FBXO28: variants seen among roughly 807,000 people sequenced by gnomAD.
FBXO28 encodes the protein F-box protein 28.
Under a neutral mutation model 38.1 loss-of-function variants are expected in FBXO28, and 8 were observed. The ratio of observed to expected loss-of-function variants is 0.21; its 90% CI spans 0.12 to 0.38. FBXO28 has a LOEUF of 0.38. FBXO28 is among the 10% of genes least tolerant of loss of function. The pLI is 1.00. For missense variants in FBXO28, 345 were observed against 460.6 expected (o/e 0.75, Z 2.30); for synonymous variants, 168 against 173.8 (o/e 0.97, Z 0.26).
intron 2 of FBXO28, among the ~76,000 whole-genome samples, chr1:224,131,733 A>G (rs1572012196): frequency 6.6e-6 from 1 of 152,220 alleles, no homozygotes. Flanking sequence ...AGAAGAAAAC[A>G]TAGTAGTAAG....
At chr1:224,136,782 C>G (rs900544332) in intron 3 of FBXO28, among the ~76,000 whole-genome samples, 2 of 151,114 alleles carry the variant, frequency 1.3e-5, no homozygotes, top group Non-Finnish European at 2.9e-5. Context: ...GATGGGGTCT[C>G]GTTCTGTCGC....
Position 224,158,061 on chromosome 1 carries a change from G to A in FBXO28, c.*315G>A, listed in dbSNP as rs956799561. ...TTTCTGCATATATGCACATACATAC[G>A]TAAGGATCTTAAACCCAGTCTTGAC... On this transcript the variant is annotated 3_prime_UTR_variant, in exon 5 of 5. Transcript: ENST00000366862. The A allele has an allele frequency of 1.9e-5, 20 of 1,054,866 alleles. No individual in the cohort carries two copies. The East Asian group carries it at 3.0e-4, about 16-fold the overall frequency. 65.3% of individuals were successfully genotyped at this position (1,054,866 alleles called of 1,614,324 possible).
chr1:224,150,078 C>T (rs947852988), intron 3 of FBXO28, among the ~76,000 whole-genome samples: 3 of 59,846 alleles, frequency 5.0e-5, no homozygotes, highest in East Asian at 1.3e-3. Context: ...AATCCCAGCA[C>T]TTTGGGAGGC....
chr1:224,117,455 A>G (rs957385188), intron 1 of FBXO28, among the ~76,000 whole-genome samples: 20 of 150,608 alleles, frequency 1.3e-4, no homozygotes, highest in African/African-American at 5.0e-4. Context: ...ATTTTATTTT[A>G]TTTTTTGGCC....
At chr1:224,156,463 G>A (rs1201299073) in intron 4 of FBXO28, among the ~76,000 whole-genome samples, 2 of 152,114 alleles carry the variant, frequency 1.3e-5, no homozygotes, top group African/African-American at 2.4e-5. Flanking sequence ...AGGACCAGAA[G>A]TGTTTCAGAT....
chr1:224,115,875 C>CT (rs1439050600), intron 1 of FBXO28, among the ~76,000 whole-genome samples: 1 of 152,032 alleles, frequency 6.6e-6, no homozygotes, highest in Non-Finnish European at 1.5e-5. Context: ...TTGAGAAAAA[C>CT]TGAGTTTTAT....
At chr1:224,155,600 T>C (rs1206864918) in intron 4 of FBXO28, among the ~76,000 whole-genome samples, 1 of 152,268 alleles carries the variant, frequency 6.6e-6, no homozygotes, top group Non-Finnish European at 1.5e-5. Flanking sequence ...AATTATTTAA[T>C]GTCCCTAACT....
At chr1:224,154,932 C>G (rs1432933152) in intron 4 of FBXO28, among the ~76,000 whole-genome samples, 2 of 150,208 alleles carry the variant, frequency 1.3e-5, no homozygotes, top group Non-Finnish European at 3.0e-5. Flanking sequence ...GAGCCAAGAT[C>G]ACGCCACTGC....
intron 4 of FBXO28, among the ~76,000 whole-genome samples, chr1:224,156,656 T>A (rs1558198773): frequency 6.6e-6 from 1 of 152,166 alleles, no homozygotes; most frequent in Non-Finnish European, 1.5e-5. Flanking sequence ...CCTGTAGGTG[T>A]GTACTTCTAA....
intron 3 of FBXO28, among the ~76,000 whole-genome samples, chr1:224,140,046 A>G (rs1430860199): frequency 6.6e-6 from 1 of 152,166 alleles, no homozygotes; most frequent in Non-Finnish European, 1.5e-5. Context: ...AGCTATGATC[A>G]TTCCACTGCA....
intron 3 of FBXO28, among the ~76,000 whole-genome samples, chr1:224,135,021 T>C (rs950225239): frequency 4.1e-5 from 6 of 146,668 alleles, no homozygotes; most frequent in Non-Finnish European, 8.8e-5. Flanking sequence ...CCATTTTTAG[T>C]TTTCTTTGAC....
chr1:224,130,351 G>C (rs1038531648), intron 1 of FBXO28, 121 bp from the exon 2 acceptor site: 1 of 651,296 alleles, frequency 1.5e-6, no homozygotes, highest in Non-Finnish European at 2.6e-6. Flanking sequence ...CAAAAAAAAA[G>C]ATATATACAG....
At chr1:224,145,155 C>T (rs917699241) in intron 3 of FBXO28, among the ~76,000 whole-genome samples, 3 of 151,524 alleles carry the variant, frequency 2.0e-5, no homozygotes, top group African/African-American at 4.9e-5. Context: ...ATTAGCCGGG[C>T]GTGATGGCGG....
chr1:224,127,723 A>G (rs927477937), intron 1 of FBXO28, among the ~76,000 whole-genome samples: 2 of 152,164 alleles, frequency 1.3e-5, no homozygotes, highest in Non-Finnish European at 2.9e-5. Flanking sequence ...CCTGGCCAAC[A>G]TGGTGAAACC....
chr1:224,115,071 C>T (rs1656614729), intron 1 of FBXO28, among the ~76,000 whole-genome samples: 1 of 152,174 alleles, frequency 6.6e-6, no homozygotes, highest in Non-Finnish European at 1.5e-5. Context: ...CAACTTACCC[C>T]TTGACGGGTT....
In FBXO28 at chr1:224,160,213, T is replaced by C. The variant is rs1215912589; in HGVS notation, c.*2467T>C. The C allele has an allele frequency of 1.3e-5, 2 of 152,180 alleles. No homozygotes were observed. The highest frequency in any genetic ancestry group is 6.6e-5 in the Admixed American group (1 of 15,262). The allele number at this position is 152,180 out of a possible 1,614,324, so 9.4% of individuals were successfully genotyped here. A position where few individuals can be genotyped will look rare whatever the true frequency, so the allele number is the denominator to read the frequency against. On this transcript the variant is annotated 3_prime_UTR_variant, in exon 5 of 5. Coordinates refer to ENST00000366862, the MANE Select transcript of FBXO28 (RefSeq NM_015176.4). ...TAAGGTTCAACAAACCGCAGATTAT[T>C]ATGATCAGCTAGAACTGACATATGT...
At position 224,114,173 on chromosome 1, in the gene FBXO28, G is replaced by A; in HGVS notation, c.44G>A (p.Gly15Asp). The A allele has an allele frequency of 9.7e-6, 15 of 1,546,828 alleles. No individual in the cohort carries two copies. The highest frequency in any genetic ancestry group is 1.2e-5 in the Non-Finnish European group (14 of 1,145,666). The change falls in exon 1 of 5, where the codon GGC becomes GAC. Residue 15 changes from glycine (G) to aspartate (D), a missense_variant. Transcript: ENST00000366862. ...GAGCGGATGGCAGAGGAAGGAGGCGGCGGCCAAGGCGACGGCGGTTCCTCT... is the reference window on the plus strand; with the variant it reads ...GAGCGGATGGCAGAGGAAGGAGGCGACGGCCAAGGCGACGGCGGTTCCTCT... Reference protein sequence around the residue: ...AEERMAEEGGGGQGDGGSSLA... With the variant: ...AEERMAEEGGDGQGDGGSSLA...
intron 3 of FBXO28, among the ~76,000 whole-genome samples, chr1:224,143,342 G>A (rs960860069): frequency 7.2e-5 from 11 of 152,082 alleles, no homozygotes; most frequent in Non-Finnish European, 1.3e-4. Flanking sequence ...GACTTCCTCC[G>A]ACATCTCAGA....
At chr1:224,122,654 T>C (rs1656806476) in intron 1 of FBXO28, among the ~76,000 whole-genome samples, 1 of 152,190 alleles carries the variant, frequency 6.6e-6, no homozygotes, top group African/African-American at 2.4e-5. Context: ...CATTGACTTT[T>C]TGAAGACTAG....
Sources: gnomAD v4.1 joint callset for allele counts (sites outside exome capture counted in the v4.1 genomes callset) on GRCh38, gnomAD v4.1.1 for gene constraint, MANE v1.5 for transcripts, NCBI Gene and HGNC (gene_info 2026-07-23, HGNC 2026-07-21) for gene names.